The following ERICH1 variants were observed in gnomAD, a reference collection of about 807,000 sequenced individuals.
The protein encoded by ERICH1 is glutamate-rich protein 1.
In ERICH1, 56 loss-of-function variants were observed where a neutral mutation model predicts 39.6. The ratio of observed to expected loss-of-function variants is 1.41; its 90% CI spans 1.14 to 1.77. The LOEUF (loss-of-function observed/expected upper bound fraction) is 1.77. ERICH1 is among the 40% of genes most tolerant of loss of function. The pLI, the probability that ERICH1 is intolerant of heterozygous loss-of-function variation, is 0.00. For missense variants in ERICH1, 826 were observed against 575.4 expected (o/e 1.44, Z -4.45); for synonymous variants, 313 against 223.6 (o/e 1.40, Z -3.57).
At chr8:638,570 G>A (rs1457000039) in intron 3 of ERICH1, among the ~76,000 whole-genome samples, 1 of 152,168 alleles carries the variant, frequency 6.6e-6, no homozygotes, top group African/African-American at 2.4e-5. Flanking sequence ...GATCGTGTAC[G>A]AGGGCAGGAT....
chr8:700,515 G>C lies in ERICH1; in HGVS notation c.170-7903C>G, dbSNP rs111779803. On this transcript the variant is annotated intron_variant, in intron 2 of 5. Transcript: ENST00000262109. ...CCGCACACGCGCACAGGCCCGCACA[G>C]GCGCACAGGCCCGCACAGGCGCACA... Among the ~76,000 whole-genome samples the C allele has an allele frequency of 5.9e-3, 210 of 35,356 alleles. 4 individuals carry two copies. The highest frequency in any genetic ancestry group is 0.028 in the Middle Eastern group (1 of 36). The allele number at this position is 35,356 out of a possible 152,430, so 23.2% of individuals were successfully genotyped here.
rs115409209 is a variant in ERICH1 at position 632,839 on chromosome 8, G to C, written c.977-17555C>G. Among the ~76,000 whole-genome samples, 1,465 of 152,324 alleles carry C rather than the reference G, an allele frequency of 9.6e-3. 25 individuals carry two copies. Among genetic ancestry groups the C allele is most frequent in the African/African-American group, 0.033 (1,359 of 41,566 alleles). ...GTGTGGAGTCATTTCTGGTTTCATA[G>C]CTGGGGGTGTCGTTGTCATCTGTGG... On this transcript the variant is annotated intron_variant, in intron 3 of 3. Coordinates refer to the ERICH1 transcript ENST00000522706.
chr8:706,499 C>T (rs769175531), intron 2 of ERICH1, among the ~76,000 whole-genome samples: 1 of 152,156 alleles, frequency 6.6e-6, no homozygotes, highest in African/African-American at 2.4e-5. Flanking sequence ...TAAGGCCAGG[C>T]GCAGTGGCTC....
rs571656063 is a variant in ERICH1, at chr8:637,845, C to T, written c.977-22561G>A. 2.2e-4 allele frequency among the ~76,000 whole-genome samples: 34 copies of T among 152,344 alleles called. No homozygotes were observed. The East Asian group carries it at 4.6e-3, about 21-fold the overall frequency. On this transcript the variant is annotated intron_variant, in intron 3 of 3. Transcript: ENST00000522706. ...GACCCCGCTGTAGTCACCAGCCGTG[C>T]GAGAGCACAGCAGCCAGGGTCCTGC... is the stretch of plus-strand genomic sequence containing the variant.
intron 1 of ERICH1, among the ~76,000 whole-genome samples, chr8:727,199 C>A (rs2132479787): frequency 6.6e-6 from 1 of 152,264 alleles, no homozygotes; most frequent in African/African-American, 2.4e-5. Context: ...AAGGCATACA[C>A]AGACACGTGC....
intron 3 of ERICH1, among the ~76,000 whole-genome samples, chr8:634,157 C>G (rs1448724600): frequency 1.3e-5 from 1 of 77,308 alleles, no homozygotes; most frequent in Non-Finnish European, 2.3e-5. Context: ...CTATAGAGAA[C>G]TCCTAAAACT....
chr8:632,588 A>G (rs1300228369), intron 3 of ERICH1, among the ~76,000 whole-genome samples: 1 of 152,240 alleles, frequency 6.6e-6, no homozygotes, highest in Non-Finnish European at 1.5e-5. Flanking sequence ...TAAGGAATTT[A>G]CAAAATAATA....
chr8:673,024 A>G (rs1803789953), intron 4 of ERICH1, among the ~76,000 whole-genome samples: 1 of 152,264 alleles, frequency 6.6e-6, no homozygotes, highest in Non-Finnish European at 1.5e-5. Flanking sequence ...ACAGCTGGCC[A>G]GGGCCACCAC....
intron 3 of ERICH1, among the ~76,000 whole-genome samples, chr8:687,668 G>A (rs1419041624): frequency 6.6e-6 from 1 of 152,182 alleles, no homozygotes; most frequent in Non-Finnish European, 1.5e-5. Flanking sequence ...CGGCCCAGGC[G>A]AGGCAGGACG....
At chr8:692,731 C>G in intron 2 of ERICH1, 119 bp from the exon 3 acceptor site, 2 of 1,198,944 alleles carry the variant, frequency 1.7e-6, no homozygotes, top group Non-Finnish European at 2.3e-6. Context: ...AATCAAAGAG[C>G]TCAATAAAAC....
chr8:716,647 G>C (rs1816077588), intron 1 of ERICH1, among the ~76,000 whole-genome samples: 1 of 152,230 alleles, frequency 6.6e-6, no homozygotes, highest in Non-Finnish European at 1.5e-5. Flanking sequence ...CGGTCATAAT[G>C]AATAAATATT....
chr8:699,141 T>C (rs1294429916), intron 2 of ERICH1, among the ~76,000 whole-genome samples: 3 of 151,862 alleles, frequency 2.0e-5, no homozygotes, highest in African/African-American at 7.3e-5. Flanking sequence ...CCACTAAATA[T>C]CAGCTCAGAA....
intron 3 of ERICH1, among the ~76,000 whole-genome samples, chr8:617,837 C>T (rs1268209829): frequency 1.3e-5 from 2 of 149,978 alleles, no homozygotes; most frequent in Non-Finnish European, 3.0e-5. Flanking sequence ...TCTGTCCTCA[C>T]TGCCCTCTGA....
At chr8:678,381 A>G (rs978951891) in intron 3 of ERICH1, among the ~76,000 whole-genome samples, 1 of 151,136 alleles carries the variant, frequency 6.6e-6, no homozygotes, top group Non-Finnish European at 1.5e-5. Context: ...CAAATCAGTT[A>G]ATCCGTTAGA....
In ERICH1 at chr8:674,174, G is replaced by T. The variant is rs547870877; in HGVS notation, c.305-127C>A. 1.4e-4 allele frequency: 153 copies of T among 1,108,550 alleles called. 1 individual carries two copies. In the African/African-American group the frequency reaches 2.2e-3, roughly 16 times the overall value. 68.7% of individuals were successfully genotyped at this position (1,108,550 alleles called of 1,614,324 possible). On this transcript the variant is annotated intron_variant, in intron 3 of 5. Coordinates refer to ENST00000262109, the MANE Select transcript of ERICH1 (RefSeq NM_207332.3). Reference sequence around the variant, plus strand: ...AAAAAGAGTTTACACTATTTACTTCGGTGATTCTCAACTTTACCATCAAAG... The same window carrying T: ...AAAAAGAGTTTACACTATTTACTTCTGTGATTCTCAACTTTACCATCAAAG...
chr8:723,394 T>C (rs1382871993), intron 1 of ERICH1, among the ~76,000 whole-genome samples: 1 of 152,234 alleles, frequency 6.6e-6, no homozygotes, highest in Non-Finnish European at 1.5e-5. Flanking sequence ...TTCCACTTAA[T>C]AGACTTACAA....
At chr8:615,262 G>C in exon 4 of ERICH1, 1 of 697,182 alleles carries the variant, frequency 1.4e-6, no homozygotes. Flanking sequence ...TTATTTTCTT[G>C]GCTTTAAGTC....
At chr8:670,597 C>T (rs184973138) in intron 4 of ERICH1, among the ~76,000 whole-genome samples, 5 of 152,286 alleles carry the variant, frequency 3.3e-5, no homozygotes, top group African/African-American at 7.2e-5. Flanking sequence ...AGGGTCAGGC[C>T]GATCCTCATC....
At chr8:689,696 C>T (rs895804571) in intron 3 of ERICH1, among the ~76,000 whole-genome samples, 23 of 152,208 alleles carry the variant, frequency 1.5e-4, no homozygotes, top group African/African-American at 5.1e-4. Context: ...CATAGGGACA[C>T]ACTGTCGTGC....
Sources: gnomAD v4.1 joint callset for allele counts (sites outside exome capture counted in the v4.1 genomes callset) on GRCh38, gnomAD v4.1.1 for gene constraint, MANE v1.5 for transcripts, NCBI Gene and HGNC (gene_info 2026-07-23, HGNC 2026-07-21) for gene names.